Variants in TMEM18 observed in about 807,000 individuals in gnomAD.
The protein encoded by TMEM18 is transmembrane protein 18.
TMEM18 carries 14 observed loss-of-function variants against 17.4 expected under a neutral mutation model. The observed-to-expected ratio is 0.80, with a 90% confidence interval of 0.53 to 1.25. The LOEUF is 1.25. Among genes scored for constraint, TMEM18 ranks in the 50% most tolerant of loss-of-function variants. TMEM18 has a pLI of 0.00. For missense variants in TMEM18, 187 were observed against 172.1 expected (o/e 1.09, Z -0.48); for synonymous variants, 86 against 66.1 (o/e 1.30, Z -1.46).
intron 2 of TMEM18, among the ~76,000 whole-genome samples, chr2:674,032 T>G (rs1186238541): frequency 6.6e-6 from 1 of 152,172 alleles, no homozygotes; most frequent in Non-Finnish European, 1.5e-5. Context: ...GTGCTGGTTA[T>G]AAGCTGTATA....
In TMEM18 at chr2:669,545, C is replaced by A; in HGVS notation, c.*35G>T. 2 of 1,607,602 alleles carry A rather than the reference C, an allele frequency of 1.2e-6. No individual in the cohort carries two copies. Among genetic ancestry groups the A allele is most frequent in the Non-Finnish European group, 1.7e-6 (2 of 1,174,448 alleles). ...AGCACTGGGAGCTGCACTGGGTGGACGGGAAGGACGCAAACTCCAAGCAGC... is the reference window on the plus strand; with the variant it reads ...AGCACTGGGAGCTGCACTGGGTGGAAGGGAAGGACGCAAACTCCAAGCAGC... On this transcript the variant is annotated 3_prime_UTR_variant, in exon 5 of 5. Coordinates refer to ENST00000281017, the MANE Select transcript of TMEM18 (RefSeq NM_152834.4).
intron 3 of TMEM18, among the ~76,000 whole-genome samples, chr2:671,434 C>G (rs113382089): frequency 0.021 from 2,031 of 95,898 alleles, 105 homozygotes; most frequent in African/African-American, 0.087. Flanking sequence ...ATGTGAAGGC[C>G]CTGCATCCGG....
In TMEM18 at chr2:663,931, T is replaced by G. The variant is rs1489025032; in HGVS notation, c.*5649A>C. 1.3e-5 allele frequency among the ~76,000 whole-genome samples: 2 copies of G among 152,220 alleles called. No individual in the cohort carries two copies. Among genetic ancestry groups the G allele is most frequent in the African/African-American group, 4.8e-5 (2 of 41,446 alleles). On this transcript the variant is annotated 3_prime_UTR_variant, in exon 5 of 5. Transcript: ENST00000281017. ...ACTTTATTTATAAAGGTGTCACAGT[T>G]CTTGGCAAGTAAATCCATTCCTAGG...
In TMEM18 at chr2:668,391, G is replaced by A. The variant is rs1678748957; in HGVS notation, c.*1189C>T. On this transcript the variant is annotated 3_prime_UTR_variant, in exon 5 of 5. Transcript: ENST00000281017. ...ACAACGGCCCTGGACAATGCTACAG[G>A]GAGGACACATTACCTTAATCATCTT... 1 of 152,222 alleles carries A rather than the reference G, an allele frequency of 6.6e-6. No homozygotes were observed. The highest frequency in any genetic ancestry group is 2.4e-5 in the African/African-American group (1 of 41,462). 9.4% of individuals were successfully genotyped at this position (152,222 alleles called of 1,614,324 possible).
rs200640501 is a variant in TMEM18, at chr2:672,875, A to G, written c.179-13T>C. The G allele has an allele frequency of 3.0e-4, 447 of 1,510,400 alleles. No individual in the cohort carries two copies. The highest frequency in any genetic ancestry group is 3.7e-4 in the Non-Finnish European group (424 of 1,142,826). 93.6% of individuals were successfully genotyped at this position (1,510,400 alleles called of 1,614,324 possible). A position where few individuals can be genotyped will look rare whatever the true frequency, so the allele number is the denominator to read the frequency against. On this transcript the variant is annotated splice_polypyrimidine_tract_variant and intron_variant, in intron 2 of 4. Coordinates refer to ENST00000281017, the MANE Select transcript of TMEM18 (RefSeq NM_152834.4). ...TAGACTAAGATGACTGAAAAAAGGT[A>G]CAAGTCATATTAGAATTTAGATGGC...
chr2:668,302 C>T lies in TMEM18; in HGVS notation c.*1278G>A, dbSNP rs1558178862. On this transcript the variant is annotated 3_prime_UTR_variant, in exon 5 of 5. Transcript: ENST00000281017. ...CATATCAGATGGTGAAAATGTTATA[C>T]TAAAAATGCACAGTCTCTACAAACT... The T allele has an allele frequency of 6.6e-6, 1 of 152,222 alleles. No homozygotes were observed. Among genetic ancestry groups the T allele is most frequent in the Non-Finnish European group, 1.5e-5 (1 of 68,050 alleles). 9.4% of individuals were successfully genotyped at this position (152,222 alleles called of 1,614,324 possible). A position where few individuals can be genotyped will look rare whatever the true frequency, so the allele number is the denominator to read the frequency against.
In TMEM18 at chr2:677,353, G is replaced by C; in HGVS notation, c.-8C>G. 2 of 1,611,374 alleles carry C rather than the reference G, an allele frequency of 1.2e-6. No individual in the cohort carries two copies. Among genetic ancestry groups the C allele is most frequent in the Non-Finnish European group, 1.7e-6 (2 of 1,179,532 alleles). ...AGAGAAGGCGGACGGCATGGTGTTG[G>C]GAAGCCCGCTCTCACAGCAACCGCC... On this transcript the variant is annotated 5_prime_UTR_variant, in exon 1 of 5. Transcript: ENST00000281017.
At chr2:676,300 T>TC (rs1659210680) in intron 1 of TMEM18, 1 of 1,482,172 alleles carries the variant, frequency 6.7e-7, no homozygotes, top group African/African-American at 1.4e-5. Flanking sequence ...TGCTGCTCAG[T>TC]CCCCACCTGA....
Position 666,772 on chromosome 2 carries a change from C to T in TMEM18, c.*2808G>A, listed in dbSNP as rs1162672171. Among the ~76,000 whole-genome samples the T allele has an allele frequency of 6.6e-6, 1 of 151,968 alleles. No individual in the cohort carries two copies. The highest frequency in any genetic ancestry group is 1.5e-5 in the Non-Finnish European group (1 of 67,984). On this transcript the variant is annotated 3_prime_UTR_variant, in exon 5 of 5. Transcript: ENST00000281017. ...CCCAGGACCGACTTGCTGGTGTAGT[C>T]GACCAGCAAGAGGGGCTTCAGTAAA...
At position 667,555 on chromosome 2, in the gene TMEM18, T is replaced by A. The variant is rs1286810876; in HGVS notation, c.*2025A>T. Reference sequence around the variant, plus strand: ...CTGTGCAACCCCCAGTGCTTTAAAGTGGGATTGCACCTGTGCTTTCGTAAA... The same window carrying A: ...CTGTGCAACCCCCAGTGCTTTAAAGAGGGATTGCACCTGTGCTTTCGTAAA... On this transcript the variant is annotated 3_prime_UTR_variant, in exon 5 of 5. Transcript: ENST00000281017. 6.6e-6 allele frequency: 1 copy of A among 152,216 alleles called. No homozygotes were observed. Among genetic ancestry groups the A allele is most frequent in the Non-Finnish European group, 1.5e-5 (1 of 68,040 alleles). The allele number at this position is 152,216 out of a possible 1,614,324, so 9.4% of individuals were successfully genotyped here.
intron 3 of TMEM18, chr2:670,771 GGCAGGAGGCCGCAGGGCATCACT>G (rs1678821323): frequency 6.5e-6 from 1 of 152,728 alleles, no homozygotes; most frequent in Non-Finnish European, 1.5e-5. Flanking sequence ...GGACAGAGCT[GGCAGGAGGCCGCAGGGCATCACT>G]GCAGGACTCC....
Position 668,892 on chromosome 2 carries a change from A to T in TMEM18, c.*688T>A, listed in dbSNP as rs1678761499. ...AAAGCAGCCCATAACTTTGCTAGAG[A>T]GGGCCTAGCCTCTTGTGAATTGGTT... On this transcript the variant is annotated 3_prime_UTR_variant, in exon 5 of 5. Coordinates refer to ENST00000281017, the MANE Select transcript of TMEM18 (RefSeq NM_152834.4). The T allele has an allele frequency of 6.6e-6, 1 of 152,236 alleles. No homozygotes were observed. Among genetic ancestry groups the T allele is most frequent in the Non-Finnish European group, 1.5e-5 (1 of 68,056 alleles). The allele number at this position is 152,236 out of a possible 1,614,324, so 9.4% of individuals were successfully genotyped here. A position where few individuals can be genotyped will look rare whatever the true frequency, so the allele number is the denominator to read the frequency against.
At chr2:677,148 C>G in intron 1 of TMEM18, 141 bp downstream of exon 1, 1 of 1,107,522 alleles carries the variant, frequency 9.0e-7, no homozygotes, top group South Asian at 1.3e-5. Flanking sequence ...TCTCAGGACC[C>G]TGCCCAGCGC....
rs972011642 is a variant in TMEM18 at position 675,962 on chromosome 2, A to G, written c.58-332T>C. 47 of 1,340,734 alleles carry G rather than the reference A, an allele frequency of 3.5e-5. No homozygotes were observed. In the South Asian group the frequency reaches 5.6e-4, roughly 16 times the overall value. The allele number at this position is 1,340,734 out of a possible 1,614,324, so 83.1% of individuals were successfully genotyped here. A position where few individuals can be genotyped will look rare whatever the true frequency, so the allele number is the denominator to read the frequency against. On this transcript the variant is annotated intron_variant, in intron 1 of 4. Coordinates refer to ENST00000281017, the MANE Select transcript of TMEM18 (RefSeq NM_152834.4). Reference sequence around the variant, plus strand: ...TCATGTTTTTAAGGTGGGTATAATTAAAGGAATTACCATCCTTTACGATGA... The same window carrying G: ...TCATGTTTTTAAGGTGGGTATAATTGAAGGAATTACCATCCTTTACGATGA...
chr2:672,746 G>A (rs963922819), intron 3 of TMEM18, 62 bp downstream of exon 3: 60 of 1,370,908 alleles, frequency 4.4e-5, no homozygotes, highest in African/African-American at 6.1e-5. Flanking sequence ...CCCACCGGCT[G>A]TGGGGCCATT....
Position 669,857 on chromosome 2 carries a change from AAAAAAC to A in TMEM18, c.234-13_234-8del. 1 of 1,605,120 alleles carries A rather than the reference AAAAAAC, an allele frequency of 6.2e-7. No individual in the cohort carries two copies. The highest frequency in any genetic ancestry group is 8.5e-7 in the Non-Finnish European group (1 of 1,176,412). ...CTGGTATTTCGAAAATAATCTGTTT[AAAAAAC>A]AAAAACAAAAAATTACTAGGCAATA... On this transcript the variant is annotated splice_polypyrimidine_tract_variant and splice_region_variant and intron_variant, in intron 3 of 4. Coordinates refer to ENST00000281017, the MANE Select transcript of TMEM18 (RefSeq NM_152834.4).
chr2:675,714 G>A, intron 1 of TMEM18, 84 bp from the exon 2 acceptor site: 1 of 1,563,840 alleles, frequency 6.4e-7, no homozygotes, highest in Non-Finnish European at 8.6e-7. Flanking sequence ...TCCCAGCGCA[G>A]GAGGCAGGGG....
At chr2:676,814 C>T in intron 1 of TMEM18, 1 of 663,552 alleles carries the variant, frequency 1.5e-6, no homozygotes, top group Non-Finnish European at 2.5e-6. Context: ...GGCCCAAGCC[C>T]CGCCCGCAAG....
chr2:671,861 G>A (rs1678856960), intron 3 of TMEM18, among the ~76,000 whole-genome samples: 1 of 151,876 alleles, frequency 6.6e-6, no homozygotes, highest in South Asian at 2.1e-4. Context: ...TGAAGGCCCT[G>A]CATCCGGGAG....
Sources: allele counts gnomAD v4.1 joint callset (sites outside exome capture counted in the v4.1 genomes callset), GRCh38; gene constraint gnomAD v4.1.1; transcripts MANE v1.5; gene names NCBI Gene and HGNC (gene_info 2026-07-23, HGNC 2026-07-21).